Variants in AKAP7 observed in about 807,000 individuals in gnomAD.
AKAP7 encodes the protein A-kinase anchoring protein 7, also known as A kinase (PRKA) anchor protein 7.
AKAP7 carries 39 observed loss-of-function variants against 39.5 expected under a neutral mutation model. The ratio of observed to expected loss-of-function variants is 0.99; its 90% CI spans 0.76 to 1.29. The LOEUF is 1.29. Ranked by LOEUF, AKAP7 falls within the 50% of genes most tolerant of loss-of-function variation. The pLI, the probability that AKAP7 is intolerant of heterozygous loss-of-function variation, is 0.00. For missense variants in AKAP7, 414 were observed against 407.7 expected, an observed-to-expected ratio of 1.02 and a Z score of -0.13; for synonymous variants, 140 against 139.1, an observed-to-expected ratio of 1.01 and a Z score of -0.05.
intron 2 of AKAP7, among the ~76,000 whole-genome samples, chr6:131,154,931 T>G (rs1388917561): frequency 6.6e-6 from 1 of 152,114 alleles, no homozygotes; most frequent in East Asian, 1.9e-4. Flanking sequence ...TTATTTAAAA[T>G]TTTTTTCTGT....
chr6:131,258,672 G>A (rs562211483), intron 7 of AKAP7, among the ~76,000 whole-genome samples: 2 of 152,210 alleles, frequency 1.3e-5, no homozygotes, highest in South Asian at 4.1e-4. Flanking sequence ...AGACAAAAGC[G>A]GAACTGTATG....
intron 2 of AKAP7, among the ~76,000 whole-genome samples, chr6:131,156,045 C>T (rs1047760792): frequency 6.6e-6 from 1 of 152,140 alleles, no homozygotes; most frequent in Non-Finnish European, 1.5e-5. Flanking sequence ...AGGTCATTGG[C>T]CTTTTCACTA....
chr6:131,207,714 G>A (rs1348751774), intron 6 of AKAP7, among the ~76,000 whole-genome samples: 2 of 151,610 alleles, frequency 1.3e-5, no homozygotes, highest in African/African-American at 4.8e-5. Flanking sequence ...GGTGGTAGAG[G>A]CCCTCCTGAC....
At chr6:131,277,476 G>A (rs993407332) in intron 7 of AKAP7, among the ~76,000 whole-genome samples, 9 of 152,250 alleles carry the variant, frequency 5.9e-5, no homozygotes, top group South Asian at 2.1e-4. Flanking sequence ...TGTGTGTTGC[G>A]CCAGCATGTT....
chr6:131,183,158 G>A (rs1805449040), intron 5 of AKAP7, among the ~76,000 whole-genome samples: 1 of 152,110 alleles, frequency 6.6e-6, no homozygotes, highest in Admixed American at 6.6e-5. Flanking sequence ...GGAAAAAAAA[G>A]ACAACTTCAA....
At chr6:131,140,266 A>ATT (rs11350684) in intron 1 of AKAP7, among the ~76,000 whole-genome samples, 2 of 149,456 alleles carry the variant, frequency 1.3e-5, no homozygotes, top group Admixed American at 6.7e-5. Flanking sequence ...CGTTCTAGTG[A>ATT]TTTTTTTTTT....
chr6:131,251,888 T>C (rs1429587166), intron 7 of AKAP7, among the ~76,000 whole-genome samples: 1 of 152,262 alleles, frequency 6.6e-6, no homozygotes, highest in Non-Finnish European at 1.5e-5. Context: ...TTATTTGTAG[T>C]TCCTGAAGAT....
intron 5 of AKAP7, among the ~76,000 whole-genome samples, chr6:131,175,174 C>T (rs1284775956): frequency 2.6e-5 from 4 of 152,106 alleles, no homozygotes; most frequent in Non-Finnish European, 5.9e-5. Flanking sequence ...AGGTTTTCAA[C>T]CTCATCATTT....
At chr6:131,273,181 C>T (rs899860256) in intron 7 of AKAP7, among the ~76,000 whole-genome samples, 3 of 151,950 alleles carry the variant, frequency 2.0e-5, no homozygotes, top group African/African-American at 4.8e-5. Context: ...TACCTTTTTC[C>T]GTATTATTAC....
intron 1 of AKAP7, among the ~76,000 whole-genome samples, chr6:131,140,915 A>G (rs1417799879): frequency 6.6e-6 from 1 of 152,174 alleles, no homozygotes; most frequent in Non-Finnish European, 1.5e-5. Flanking sequence ...TTGTTCTCGC[A>G]TTTTTCACAT....
At chr6:131,279,338 G>A (rs945535935) in intron 7 of AKAP7, among the ~76,000 whole-genome samples, 2 of 151,988 alleles carry the variant, frequency 1.3e-5, no homozygotes, top group South Asian at 2.1e-4. Context: ...GCACGATCTC[G>A]GCTCACTGCA....
chr6:131,268,501 G>A (rs1462505166), intron 7 of AKAP7, among the ~76,000 whole-genome samples: 1 of 152,174 alleles, frequency 6.6e-6, no homozygotes, highest in African/African-American at 2.4e-5. Flanking sequence ...ACTGCTGTTA[G>A]TGAGCTGGCA....
At chr6:131,155,407 G>T (rs1802330541) in intron 2 of AKAP7, among the ~76,000 whole-genome samples, 1 of 152,136 alleles carries the variant, frequency 6.6e-6, no homozygotes, top group South Asian at 2.1e-4. Context: ...TTGATCAGTG[G>T]CTTCAGGTCT....
chr6:131,181,211 C>T (rs1213609341), intron 5 of AKAP7, among the ~76,000 whole-genome samples: 3 of 152,182 alleles, frequency 2.0e-5, no homozygotes, highest in African/African-American at 7.2e-5. Context: ...GCTGGGATTA[C>T]AGGTGTGAGC....
chr6:131,160,671 C>T (rs1802857041), intron 3 of AKAP7, among the ~76,000 whole-genome samples: 1 of 152,168 alleles, frequency 6.6e-6, no homozygotes, highest in Non-Finnish European at 1.5e-5. Context: ...TCTGAGATCT[C>T]TGTTGGGAAG....
chr6:131,184,259 G>T, intron 5 of AKAP7: 4 of 469,986 alleles, frequency 8.5e-6, no homozygotes, highest in Non-Finnish European at 1.7e-5. Flanking sequence ...GGAAAGGTGG[G>T]TATGAAAAAT....
At chr6:131,128,614 G>A in the AKAP7 span, among the ~76,000 whole-genome samples, 1 of 152,116 alleles carries the variant, frequency 6.6e-6, no homozygotes, top group Non-Finnish European at 1.5e-5. Context: ...CCTGAGGTCA[G>A]AAGTTTGAGA....
chr6:131,247,371 G>A (rs1226624917), intron 7 of AKAP7, among the ~76,000 whole-genome samples: 2 of 136,468 alleles, frequency 1.5e-5, no homozygotes, highest in African/African-American at 5.5e-5. Context: ...TGTCACCCAG[G>A]CTGGAGTGCA....
At chr6:131,220,256 T>G (rs1809581398) in intron 7 of AKAP7, among the ~76,000 whole-genome samples, 1 of 152,148 alleles carries the variant, frequency 6.6e-6, no homozygotes, top group Non-Finnish European at 1.5e-5. Context: ...ATTGAAAACT[T>G]CACTTTCTTC....
Sources: gnomAD v4.1 joint callset for allele counts (sites outside exome capture counted in the v4.1 genomes callset) on GRCh38, gnomAD v4.1.1 for gene constraint, MANE v1.5 for transcripts, NCBI Gene and HGNC (gene_info 2026-07-23, HGNC 2026-07-21) for gene names.